Variants in GALNT14 observed in about 807,000 individuals in gnomAD.
GALNT14 encodes polypeptide N-acetylgalactosaminyltransferase 14.
In GALNT14, 60 loss-of-function variants were observed where a neutral mutation model predicts 77.5. That is an observed-to-expected ratio of 0.77 (90% CI 0.63 to 0.96). The LOEUF is 0.96. Ranked by LOEUF, GALNT14 falls within the 40% of genes least tolerant of loss-of-function variation. The pLI, the probability that GALNT14 is intolerant of heterozygous loss-of-function variation, is 0.00. For synonymous variants in GALNT14, 280 were observed against 281.7 expected (o/e 0.99, Z 0.06); for missense variants, 710 against 731.0 (o/e 0.97, Z 0.33).
At chr2:30,974,481 C>T (rs1015463686) in intron 2 of GALNT14, among the ~76,000 whole-genome samples, 32 of 152,356 alleles carry the variant, frequency 2.1e-4, no homozygotes, top group Non-Finnish European at 4.1e-4. Flanking sequence ...TGGCCTGGCA[C>T]CACTTCTGAC....
intron 2 of GALNT14, 66 bp from the exon 3 acceptor site, chr2:30,966,368 C>G: frequency 8.2e-7 from 1 of 1,214,356 alleles, no homozygotes. Context: ...AGGGCTAGAA[C>G]CGAGGGCATC....
At chr2:31,116,978 A>G (rs1438270478) in intron 1 of GALNT14, among the ~76,000 whole-genome samples, 1 of 152,164 alleles carries the variant, frequency 6.6e-6, no homozygotes, top group Non-Finnish European at 1.5e-5. Context: ...CAGAGGTTAC[A>G]GAGAGCTGAG....
intron 1 of GALNT14, among the ~76,000 whole-genome samples, chr2:31,094,455 G>T (rs1676905246): frequency 6.6e-6 from 1 of 152,202 alleles, no homozygotes; most frequent in Admixed American, 6.5e-5. Context: ...ATGCATGACA[G>T]ACCCGATGCC....
chr2:30,901,759 G>C, the GALNT14 span, among the ~76,000 whole-genome samples: 4 of 151,942 alleles, frequency 2.6e-5, no homozygotes, highest in Non-Finnish European at 4.4e-5. Flanking sequence ...AAAACACTCA[G>C]ATGTGCATAC....
At chr2:31,027,513 A>G (rs1672142429) in intron 1 of GALNT14, among the ~76,000 whole-genome samples, 1 of 152,032 alleles carries the variant, frequency 6.6e-6, no homozygotes, top group Non-Finnish European at 1.5e-5. Context: ...ATATACCTTC[A>G]ACCTCAAGGG....
At chr2:31,082,962 G>C (rs1676228395) in intron 1 of GALNT14, among the ~76,000 whole-genome samples, 1 of 152,108 alleles carries the variant, frequency 6.6e-6, no homozygotes, top group Non-Finnish European at 1.5e-5. Context: ...AGGTTGCAGT[G>C]AGCTGAGATT....
At chr2:30,952,277 T>C (rs2148307192) in intron 6 of GALNT14, among the ~76,000 whole-genome samples, 1 of 152,288 alleles carries the variant, frequency 6.6e-6, no homozygotes, top group African/African-American at 2.4e-5. Context: ...TGGTTGATTC[T>C]ATAAATCATG....
At chr2:30,951,807 G>C (rs958977445) in intron 6 of GALNT14, among the ~76,000 whole-genome samples, 1 of 152,202 alleles carries the variant, frequency 6.6e-6, no homozygotes, top group African/African-American at 2.4e-5. Context: ...GTTCAGGTCT[G>C]AGTCTTTACC....
rs563294629 is a variant in GALNT14, at chr2:30,926,696, C to T, written c.1152-1873G>A. ...AAGCAGTGCCTAGCAGCAGAAGAAA[C>T]GCCATGCCTGCAGAGTTCTGGAAGC... On this transcript the variant is annotated intron_variant, in intron 11 of 14. Transcript: ENST00000349752. Among the ~76,000 whole-genome samples the T allele has an allele frequency of 1.4e-4, 21 of 150,968 alleles. No homozygotes were observed. The South Asian group carries it at 3.2e-3, about 23-fold the overall frequency.
At chr2:30,939,039 C>T (rs547271360) in intron 9 of GALNT14, among the ~76,000 whole-genome samples, 5 of 152,346 alleles carry the variant, frequency 3.3e-5, no homozygotes, top group African/African-American at 1.2e-4. Context: ...TCTTGAACCC[C>T]ATTCCCATTC....
chr2:30,929,835 A>T (rs1415214994), intron 10 of GALNT14, among the ~76,000 whole-genome samples: 1 of 152,192 alleles, frequency 6.6e-6, no homozygotes, highest in Non-Finnish European at 1.5e-5. Context: ...ATCTAATCTA[A>T]ACATGAAATT....
chr2:30,976,345 C>T (rs1045760459), intron 2 of GALNT14, among the ~76,000 whole-genome samples: 6 of 152,104 alleles, frequency 3.9e-5, no homozygotes, highest in African/African-American at 1.4e-4. Context: ...TAAAGACCTC[C>T]TAGAAATGGC....
chr2:31,001,627 A>G (rs1409855496), intron 1 of GALNT14, among the ~76,000 whole-genome samples: 3 of 152,150 alleles, frequency 2.0e-5, no homozygotes, highest in Non-Finnish European at 2.9e-5. Flanking sequence ...TGAAACCACA[A>G]TACAAAATTA....
chr2:31,087,536 A>AGAGGAGAAGAGAGGAGAGGAGGGGCGAGG (rs1160670621), intron 1 of GALNT14, among the ~76,000 whole-genome samples: 1 of 150,404 alleles, frequency 6.6e-6, no homozygotes, highest in Non-Finnish European at 1.5e-5. Context: ...CGAGGAGAGG[A>AGAGGAGAAGAGAGGAGAGGAGGGGCGAGG]AGACCTCTAG....
rs991537605 is a variant in GALNT14, at chr2:30,910,606, A to G, written c.*295T>C. ...AGACTGCTTCCTTTGTAGGAAAAGG[A>G]ACAATAAACACTTCCCATTAGGTTT... On this transcript the variant is annotated 3_prime_UTR_variant, in exon 15 of 15. Transcript: ENST00000349752. 1.7e-5 allele frequency: 5 copies of G among 298,692 alleles called. No homozygotes were observed. Among genetic ancestry groups the G allele is most frequent in the African/African-American group, 8.7e-5 (4 of 45,942 alleles). 18.5% of individuals were successfully genotyped at this position (298,692 alleles called of 1,614,324 possible).
intron 1 of GALNT14, among the ~76,000 whole-genome samples, chr2:31,079,526 C>T (rs950414314): frequency 6.6e-6 from 1 of 152,140 alleles, no homozygotes; most frequent in Non-Finnish European, 1.5e-5. Context: ...GGGAAGGGTG[C>T]TAAGTCAAAA....
intron 1 of GALNT14, among the ~76,000 whole-genome samples, chr2:30,996,986 T>C (rs369848084): frequency 7.2e-4 from 110 of 152,226 alleles, no homozygotes; most frequent in African/African-American, 2.4e-3. Flanking sequence ...TAAAATAATA[T>C]CACTATTTCA....
intron 1 of GALNT14, among the ~76,000 whole-genome samples, chr2:31,057,293 T>TTATATATATATATA (rs10638502): frequency 1.0e-4 from 13 of 128,972 alleles, no homozygotes; most frequent in Middle Eastern, 4.0e-3. Context: ...AAAGTTGAAA[T>TTATATATATATATA]TATATATATA....
chr2:30,921,789 T>C (rs951305130), intron 13 of GALNT14, among the ~76,000 whole-genome samples: 2 of 152,176 alleles, frequency 1.3e-5, no homozygotes, highest in African/African-American at 4.8e-5. Context: ...CATTTGGTCA[T>C]GTGTGAGACA....
Sources: allele counts gnomAD v4.1 joint callset (sites outside exome capture counted in the v4.1 genomes callset), GRCh38; gene constraint gnomAD v4.1.1; transcripts MANE v1.5; gene names NCBI Gene and HGNC (gene_info 2026-07-23, HGNC 2026-07-21).